The following CADM2 variants were observed in gnomAD, a reference collection of about 807,000 sequenced individuals.
CADM2 encodes the protein cell adhesion molecule 2.
Under a neutral mutation model 49.8 loss-of-function variants are expected in CADM2, and 12 were observed. The ratio of observed to expected loss-of-function variants is 0.24; its 90% CI spans 0.15 to 0.39. CADM2 has a LOEUF of 0.39. CADM2 is among the 10% of genes least tolerant of loss of function. The pLI, the probability that CADM2 is intolerant of heterozygous loss-of-function variation, is 1.00. For missense variants in CADM2, 378 were observed against 492.3 expected, an observed-to-expected ratio of 0.77 and a Z score of 2.20; for synonymous variants, 214 against 175.4, an observed-to-expected ratio of 1.22 and a Z score of -1.74.
chr3:85,650,441 A>T (rs1016301010), intron 1 of CADM2, among the ~76,000 whole-genome samples: 1 of 151,220 alleles, frequency 6.6e-6, no homozygotes, highest in African/African-American at 2.4e-5. Context: ...AAGGATACTG[A>T]GTGTGTGTGT....
chr3:85,902,830 T>C (rs907780069), intron 5 of CADM2, among the ~76,000 whole-genome samples: 2 of 151,716 alleles, frequency 1.3e-5, no homozygotes, highest in South Asian at 2.1e-4. Context: ...TACTACAATA[T>C]AGCTGTTTGC....
At chr3:85,396,014 G>A (rs2034770095) in intron 1 of CADM2, among the ~76,000 whole-genome samples, 1 of 147,678 alleles carries the variant, frequency 6.8e-6, no homozygotes, top group African/African-American at 2.5e-5. Context: ...TTTCAGTATT[G>A]ATTCTGAATA....
chr3:85,881,946 A>T (rs1420389197), intron 3 of CADM2, among the ~76,000 whole-genome samples: 1 of 152,112 alleles, frequency 6.6e-6, no homozygotes, highest in Non-Finnish European at 1.5e-5. Flanking sequence ...TCACTCTCCT[A>T]TAAGAAGTGC....
At chr3:85,382,754 C>T (rs2033975231) in intron 1 of CADM2, among the ~76,000 whole-genome samples, 1 of 151,962 alleles carries the variant, frequency 6.6e-6, no homozygotes, top group African/African-American at 2.4e-5. Flanking sequence ...AGTTACTCAG[C>T]TATAATAATA....
chr3:85,422,376 C>T (rs963252864), intron 1 of CADM2, among the ~76,000 whole-genome samples: 3 of 152,006 alleles, frequency 2.0e-5, no homozygotes, highest in East Asian at 1.9e-4. Flanking sequence ...TTCCCGGGTT[C>T]GCACCATTCT....
At chr3:85,895,299 A>C (rs1006225609) in intron 5 of CADM2, among the ~76,000 whole-genome samples, 1 of 152,162 alleles carries the variant, frequency 6.6e-6, no homozygotes, top group East Asian at 1.9e-4. Context: ...GTCAAAGGAG[A>C]TCATTTCAGA....
At chr3:85,475,773 G>T (rs1383108871) in intron 1 of CADM2, among the ~76,000 whole-genome samples, 1 of 151,886 alleles carries the variant, frequency 6.6e-6, no homozygotes, top group Non-Finnish European at 1.5e-5. Context: ...AAGATGAATG[G>T]AAATCTACAT....
chr3:85,843,962 G>A (rs1325139550), intron 3 of CADM2, among the ~76,000 whole-genome samples: 1 of 152,022 alleles, frequency 6.6e-6, no homozygotes, highest in Admixed American at 6.6e-5. Context: ...CTAGCACCCA[G>A]GGAGTGCAGA....
Position 85,158,754 on chromosome 3 carries a change from G to A in CADM2, c.61+199086G>A, listed in dbSNP as rs182082526. 4.8e-3 allele frequency among the ~76,000 whole-genome samples: 732 copies of A among 152,142 alleles called. 7 individuals are homozygous for A. The highest frequency in any genetic ancestry group is 0.017 in the African/African-American group (709 of 41,504). On this transcript the variant is annotated intron_variant, in intron 1 of 9. Coordinates refer to ENST00000383699, the MANE Select transcript of CADM2 (RefSeq NM_001167675.2). ...ATACCTAATGCTAGATGACGAGTTA[G>A]TGGGTGCAGCACACCAGCATGGCAG...
At chr3:85,624,112 A>C (rs1363439576) in intron 1 of CADM2, among the ~76,000 whole-genome samples, 1 of 152,178 alleles carries the variant, frequency 6.6e-6, no homozygotes, top group Admixed American at 6.6e-5. Context: ...ACAGTAGGCT[A>C]ATTAATTCAT....
chr3:85,149,699 C>A (rs982781134), intron 1 of CADM2, among the ~76,000 whole-genome samples: 3 of 152,208 alleles, frequency 2.0e-5, no homozygotes, highest in Admixed American at 1.3e-4. Flanking sequence ...TGCACTCCAG[C>A]CTGGGCAACA....
intron 1 of CADM2, among the ~76,000 whole-genome samples, chr3:85,479,744 G>T (rs1318161259): frequency 6.6e-6 from 1 of 151,892 alleles, no homozygotes; most frequent in African/African-American, 2.4e-5. Flanking sequence ...TTAGCTAAGT[G>T]GTGCTGTATT....
At chr3:85,379,100 G>A (rs2033754572) in intron 1 of CADM2, among the ~76,000 whole-genome samples, 1 of 151,800 alleles carries the variant, frequency 6.6e-6, no homozygotes, top group Non-Finnish European at 1.5e-5. Flanking sequence ...CAAGCACCGT[G>A]GGTTAGTAAC....
intron 1 of CADM2, among the ~76,000 whole-genome samples, chr3:85,078,585 A>G (rs2037039374): frequency 6.6e-6 from 1 of 151,934 alleles, no homozygotes; most frequent in Non-Finnish European, 1.5e-5. Flanking sequence ...TCTTATCTGC[A>G]CAAAGCCCAG....
At chr3:85,643,466 A>C (rs2064788354) in intron 1 of CADM2, among the ~76,000 whole-genome samples, 1 of 152,206 alleles carries the variant, frequency 6.6e-6, no homozygotes, top group Non-Finnish European at 1.5e-5. Flanking sequence ...AAATTTCCAG[A>C]GATGATTAGC....
chr3:85,453,699 T>TA lies in CADM2; in HGVS notation c.62-272815dup, dbSNP rs899993367. On this transcript the variant is annotated intron_variant, in intron 1 of 9. Coordinates refer to ENST00000383699, the MANE Select transcript of CADM2 (RefSeq NM_001167675.2). Reference sequence around the variant, plus strand: ...ATTACATTTTACATCATCACTTACCTAAAAAAAACCTGTTTAATGTGCAAG... The same window carrying TA: ...ATTACATTTTACATCATCACTTACCTAAAAAAAAACCTGTTTAATGTGCAAG... 8.8e-4 allele frequency among the ~76,000 whole-genome samples: 133 copies of TA among 151,934 alleles called. 3 individuals carry two copies. The highest frequency in any genetic ancestry group is 8.5e-3 in the Admixed American group (129 of 15,232).
intron 6 of CADM2, among the ~76,000 whole-genome samples, chr3:85,917,174 A>G (rs1363986729): frequency 6.6e-6 from 1 of 152,244 alleles, no homozygotes; most frequent in East Asian, 1.9e-4. Context: ...TAGTTTAATT[A>G]GATCCCATTT....
intron 1 of CADM2, among the ~76,000 whole-genome samples, chr3:85,667,569 C>T (rs1274152809): frequency 6.6e-6 from 1 of 151,876 alleles, no homozygotes; most frequent in Non-Finnish European, 1.5e-5. Flanking sequence ...ATTTGCATTC[C>T]TAAAGACCTA....
At chr3:85,053,252 T>C (rs1221186713) in intron 1 of CADM2, among the ~76,000 whole-genome samples, 1 of 152,016 alleles carries the variant, frequency 6.6e-6, no homozygotes, top group African/African-American at 2.4e-5. Flanking sequence ...TCAAAAATAG[T>C]AATGGGAACT....
Sources: gnomAD v4.1 joint callset for allele counts (sites outside exome capture counted in the v4.1 genomes callset) on GRCh38, gnomAD v4.1.1 for gene constraint, MANE v1.5 for transcripts, NCBI Gene and HGNC (gene_info 2026-07-23, HGNC 2026-07-21) for gene names.